The following RANBP2 variants were observed in gnomAD, a reference collection of about 807,000 sequenced individuals.
RANBP2 encodes the protein E3 SUMO-protein ligase RanBP2.
In RANBP2, 57 loss-of-function variants were observed where a neutral mutation model predicts 303.6. The ratio of observed to expected loss-of-function variants is 0.19; its 90% CI spans 0.15 to 0.23. RANBP2 has a LOEUF of 0.23. Ranked by LOEUF, RANBP2 falls within the 10% of genes least tolerant of loss-of-function variation. The pLI, the probability that RANBP2 is intolerant of heterozygous loss-of-function variation, is 1.00. For missense variants in RANBP2, 3,138 were observed against 3,780.8 expected, an observed-to-expected ratio of 0.83 and a Z score of 4.46; for synonymous variants, 1,167 against 1,301.5, an observed-to-expected ratio of 0.90 and a Z score of 2.23.
At chr2:109,566,408 C>T in the RANBP2 span, among the ~76,000 whole-genome samples, 1 of 151,898 alleles carries the variant, frequency 6.6e-6, no homozygotes, top group African/African-American at 2.4e-5. Flanking sequence ...TCCCAAAGTG[C>T]TGGGATTATA....
chr2:108,837,999 A>T, the RANBP2 span, among the ~76,000 whole-genome samples: 4 of 152,034 alleles, frequency 2.6e-5, no homozygotes, highest in East Asian at 7.7e-4. Flanking sequence ...CACTGGGCAG[A>T]CCCTTTATTG....
the RANBP2 span, among the ~76,000 whole-genome samples, chr2:109,571,937 G>A: frequency 6.6e-6 from 1 of 152,134 alleles, no homozygotes; most frequent in East Asian, 1.9e-4. Context: ...TGGTTGGGTT[G>A]GCCAGTTACC....
the RANBP2 span, among the ~76,000 whole-genome samples, chr2:108,935,894 T>C: frequency 6.6e-6 from 1 of 152,142 alleles, no homozygotes; most frequent in Non-Finnish European, 1.5e-5. Context: ...CTAGACTCAG[T>C]CTCCTCTCTG....
the RANBP2 span, among the ~76,000 whole-genome samples, chr2:109,634,623 C>T: frequency 4.6e-5 from 7 of 152,296 alleles, no homozygotes; most frequent in South Asian, 1.5e-3. Context: ...ATAAAGTAAT[C>T]CCAGATGGAA....
At chr2:108,772,803 A>G (rs1236044892) in intron 22 of RANBP2, 65 bp from the exon 23 acceptor site, 1 of 1,526,458 alleles carries the variant, frequency 6.6e-7, no homozygotes, top group East Asian at 2.3e-5. Context: ...GTTGATGACT[A>G]CCATTGTTGT....
At chr2:109,478,253 G>A in the RANBP2 span, among the ~76,000 whole-genome samples, 1 of 152,192 alleles carries the variant, frequency 6.6e-6, no homozygotes, top group Non-Finnish European at 1.5e-5. Flanking sequence ...CTCTCTCTCA[G>A]TTCCCATAAA....
the RANBP2 span, among the ~76,000 whole-genome samples, chr2:109,572,196 T>A: frequency 6.6e-6 from 1 of 152,186 alleles, no homozygotes; most frequent in South Asian, 2.1e-4. Flanking sequence ...AGTGGTGTGA[T>A]CTTGGCTCAC....
the RANBP2 span, among the ~76,000 whole-genome samples, chr2:109,254,887 C>T: frequency 6.6e-6 from 1 of 152,144 alleles, no homozygotes; most frequent in South Asian, 2.1e-4. Context: ...GTGGGCTCAG[C>T]GAGACAGTAC....
chr2:109,366,863 A>C, the RANBP2 span, among the ~76,000 whole-genome samples: 1 of 152,200 alleles, frequency 6.6e-6, no homozygotes, highest in East Asian at 1.9e-4. Context: ...AAAAACAAAT[A>C]AATAAATAAA....
the RANBP2 span, chr2:109,546,016 C>G: frequency 6.5e-7 from 1 of 1,535,730 alleles, no homozygotes; most frequent in African/African-American, 1.4e-5. Flanking sequence ...CAAGTGTGGG[C>G]AGGGCTGCCA....
At chr2:109,475,821 A>T in the RANBP2 span, among the ~76,000 whole-genome samples, 1 of 152,054 alleles carries the variant, frequency 6.6e-6, no homozygotes, top group Non-Finnish European at 1.5e-5. Context: ...GAGTGTCAGC[A>T]CTCTGGGGCC....
the RANBP2 span, among the ~76,000 whole-genome samples, chr2:109,220,952 A>G: frequency 3.3e-5 from 5 of 152,246 alleles, no homozygotes; most frequent in African/African-American, 1.2e-4. Context: ...CCGGGACTGA[A>G]ACAGATATGT....
At chr2:108,895,100 A>C in the RANBP2 span, 2 of 152,806 alleles carry the variant, frequency 1.3e-5, no homozygotes, top group African/African-American at 4.8e-5. Flanking sequence ...TCTGCCGTGG[A>C]GTATTTAGCT....
the RANBP2 span, among the ~76,000 whole-genome samples, chr2:109,507,437 C>T: frequency 6.6e-6 from 1 of 152,198 alleles, no homozygotes; most frequent in South Asian, 2.1e-4. Flanking sequence ...ACATCTGGGG[C>T]CTGTGAGCTG....
At chr2:109,453,947 GC>G in the RANBP2 span, among the ~76,000 whole-genome samples, 1 of 152,214 alleles carries the variant, frequency 6.6e-6, no homozygotes, top group Non-Finnish European at 1.5e-5. Flanking sequence ...GTAGCAGGCA[GC>G]CCTGGGAGGG....
At chr2:109,458,669 G>C in the RANBP2 span, among the ~76,000 whole-genome samples, 1 of 152,002 alleles carries the variant, frequency 6.6e-6, no homozygotes, top group Non-Finnish European at 1.5e-5. Flanking sequence ...GGGCAGCCCA[G>C]CAGGCTGGAC....
the RANBP2 span, among the ~76,000 whole-genome samples, chr2:109,340,938 A>C: frequency 6.6e-6 from 1 of 152,224 alleles, no homozygotes; most frequent in Non-Finnish European, 1.5e-5. Flanking sequence ...AATCCTCTCC[A>C]ATCTGGCTGC....
At chr2:109,035,336 C>G in the RANBP2 span, among the ~76,000 whole-genome samples, 1 of 152,090 alleles carries the variant, frequency 6.6e-6, no homozygotes, top group African/African-American at 2.4e-5. Context: ...TCCTCCCAGA[C>G]ACTCCCTCTT....
the RANBP2 span, among the ~76,000 whole-genome samples, chr2:109,168,038 A>G: frequency 3.9e-4 from 59 of 152,202 alleles, no homozygotes; most frequent in Non-Finnish European, 6.3e-4. Flanking sequence ...TGTTCTGTGC[A>G]AAGTCTCTGT....
Sources: gnomAD v4.1 joint callset for allele counts (sites outside exome capture counted in the v4.1 genomes callset) on GRCh38, gnomAD v4.1.1 for gene constraint, MANE v1.5 for transcripts, NCBI Gene and HGNC (gene_info 2026-07-23, HGNC 2026-07-21) for gene names.